The following TMEM248 variants were observed in gnomAD, a reference collection of about 807,000 sequenced individuals.
TMEM248 encodes the protein transmembrane protein 248.
In TMEM248, 9 loss-of-function variants were observed where a neutral mutation model predicts 30.3. The ratio of observed to expected loss-of-function variants is 0.30; its 90% CI spans 0.18 to 0.52. TMEM248 has a LOEUF of 0.52. Ranked by LOEUF, TMEM248 falls within the 20% of genes least tolerant of loss-of-function variation. The pLI is 0.97. For synonymous variants in TMEM248, 184 were observed against 154.4 expected, an observed-to-expected ratio of 1.19 and a Z score of -1.42; for missense variants, 338 against 403.3, an observed-to-expected ratio of 0.84 and a Z score of 1.39.
At chr7:66,923,950 G>T (rs1399038689) in intron 1 of TMEM248, among the ~76,000 whole-genome samples, 1 of 152,236 alleles carries the variant, frequency 6.6e-6, no homozygotes, top group Non-Finnish European at 1.5e-5. Context: ...ACAGGCGTGA[G>T]CCACCAGGCC....
chr7:66,939,667 T>A (rs927575205), intron 1 of TMEM248, among the ~76,000 whole-genome samples: 1 of 152,220 alleles, frequency 6.6e-6, no homozygotes, highest in African/African-American at 2.4e-5. Context: ...CCACTCTCAC[T>A]GGGCTCATAA....
intron 4 of TMEM248, among the ~76,000 whole-genome samples, chr7:66,950,348 C>A (rs1792228747): frequency 6.6e-6 from 1 of 151,894 alleles, no homozygotes; most frequent in South Asian, 2.1e-4. Flanking sequence ...AGATTGTTAC[C>A]CCCATGCTGC....
intron 4 of TMEM248, among the ~76,000 whole-genome samples, chr7:66,948,968 G>A (rs1030098283): frequency 1.3e-5 from 2 of 152,110 alleles, no homozygotes; most frequent in African/African-American, 2.4e-5. Flanking sequence ...TTCATAGGCT[G>A]TCTTTCCCGC....
In TMEM248 at chr7:66,955,640, G is replaced by A; in HGVS notation, c.*118G>A. 7.9e-7 allele frequency: 1 copy of A among 1,265,326 alleles called. No homozygotes were observed. The highest frequency in any genetic ancestry group is 1.1e-6 in the Non-Finnish European group (1 of 893,556). The allele number at this position is 1,265,326 out of a possible 1,614,324, so 78.4% of individuals were successfully genotyped here. On this transcript the variant is annotated 3_prime_UTR_variant, in exon 7 of 7. Coordinates refer to ENST00000341567, the MANE Select transcript of TMEM248 (RefSeq NM_017994.5). Reference sequence around the variant, plus strand: ...TATCTTGCGATGTTGGGTTATTCCAGCCAAAGACATTTCAAGTGCCTGTAA... The same window carrying A: ...TATCTTGCGATGTTGGGTTATTCCAACCAAAGACATTTCAAGTGCCTGTAA...
Position 66,955,934 on chromosome 7 carries a change from C to G in TMEM248, c.*412C>G. Reference sequence around the variant, plus strand: ...CCCAATATGTAGAGAACATTTGAAACAGTCTGCACCTTTGATACGGTATTG... The same window carrying G: ...CCCAATATGTAGAGAACATTTGAAAGAGTCTGCACCTTTGATACGGTATTG... On this transcript the variant is annotated 3_prime_UTR_variant, in exon 7 of 7. Coordinates refer to ENST00000341567, the MANE Select transcript of TMEM248 (RefSeq NM_017994.5). 1 of 177,782 alleles carries G rather than the reference C, an allele frequency of 5.6e-6. No homozygotes were observed. Among genetic ancestry groups the G allele is most frequent in the Non-Finnish European group, 1.2e-5 (1 of 85,384 alleles). The allele number at this position is 177,782 out of a possible 1,614,324, so 11.0% of individuals were successfully genotyped here. A position where few individuals can be genotyped will look rare whatever the true frequency, so the allele number is the denominator to read the frequency against.
chr7:66,931,575 A>C (rs1422082396), intron 1 of TMEM248, among the ~76,000 whole-genome samples: 1 of 151,404 alleles, frequency 6.6e-6, no homozygotes, highest in Non-Finnish European at 1.5e-5. Flanking sequence ...GGGCTGAGCC[A>C]GTCCTCCCAC....
At chr7:66,922,955 C>T (rs759308728) in intron 1 of TMEM248, among the ~76,000 whole-genome samples, 26 of 152,066 alleles carry the variant, frequency 1.7e-4, no homozygotes, top group Non-Finnish European at 3.1e-4. Flanking sequence ...ATCCATCCTC[C>T]TCGGCCTCCC....
At chr7:66,944,842 T>C (rs1195698210) in intron 2 of TMEM248, 134 bp from the exon 3 acceptor site, 3 of 916,826 alleles carry the variant, frequency 3.3e-6, no homozygotes, top group African/African-American at 1.7e-5. Context: ...CGAGTTGTCA[T>C]GATCTTAAAT....
In TMEM248 at chr7:66,955,916, T is replaced by G. The variant is rs113938327; in HGVS notation, c.*394T>G. The G allele has an allele frequency of 9.9e-4, 199 of 201,766 alleles. 1 individual carries two copies. Among genetic ancestry groups the G allele is most frequent in the African/African-American group, 4.4e-3 (192 of 43,178 alleles). The allele number at this position is 201,766 out of a possible 1,614,324, so 12.5% of individuals were successfully genotyped here. A position where few individuals can be genotyped will look rare whatever the true frequency, so the allele number is the denominator to read the frequency against. On this transcript the variant is annotated 3_prime_UTR_variant, in exon 7 of 7. Transcript: ENST00000341567. ...GTTTGGTTCTTGTTTCAGCCCAATA[T>G]GTAGAGAACATTTGAAACAGTCTGC...
Position 66,949,715 on chromosome 7 carries a change from C to T in TMEM248, c.596+1021C>T, listed in dbSNP as rs374196107. Among the ~76,000 whole-genome samples, 71 of 152,202 alleles carry T rather than the reference C, an allele frequency of 4.7e-4. 1 individual carries two copies. Among genetic ancestry groups the T allele is most frequent in the African/African-American group, 1.6e-3 (67 of 41,540 alleles). On this transcript the variant is annotated intron_variant, in intron 4 of 6. Coordinates refer to ENST00000341567, the MANE Select transcript of TMEM248 (RefSeq NM_017994.5). ...GTTTTAAAATCAAATATAAATTGAA[C>T]TTTATTTTCCATTAAACAATTAAGG... is the stretch of plus-strand genomic sequence containing the variant.
intron 1 of TMEM248, among the ~76,000 whole-genome samples, chr7:66,928,072 A>C (rs191591049): frequency 2.0e-5 from 3 of 152,094 alleles, no homozygotes; most frequent in Admixed American, 1.3e-4. Flanking sequence ...AAAATTAGCT[A>C]GGCCTGCTGG....
At chr7:66,953,107 TAAGAAGAA>T (rs1792311866) in intron 5 of TMEM248, 111 bp from the exon 6 acceptor site, 5 of 1,158,014 alleles carry the variant, frequency 4.3e-6, no homozygotes, top group Non-Finnish European at 3.7e-6. Context: ...TCTTGCAGCT[TAAGAAGAA>T]AAGTTGTGGC....
chr7:66,932,026 G>C (rs1217957908), intron 1 of TMEM248, among the ~76,000 whole-genome samples: 2 of 150,384 alleles, frequency 1.3e-5, no homozygotes, highest in African/African-American at 4.9e-5. Flanking sequence ...GGATAGTCTC[G>C]ATCTCCTGAC....
At chr7:66,934,649 A>G (rs1430671154) in intron 1 of TMEM248, among the ~76,000 whole-genome samples, 1 of 152,152 alleles carries the variant, frequency 6.6e-6, no homozygotes, top group Non-Finnish European at 1.5e-5. Context: ...TTTAATGACT[A>G]TTAGTTTTCC....
chr7:66,950,616 T>G (rs978550068), intron 4 of TMEM248, among the ~76,000 whole-genome samples: 7 of 152,150 alleles, frequency 4.6e-5, no homozygotes, highest in Non-Finnish European at 1.0e-4. Flanking sequence ...TACTAAGAGT[T>G]TAGCTCATTT....
chr7:66,934,188 T>C (rs1283947370), intron 1 of TMEM248, among the ~76,000 whole-genome samples: 1 of 151,152 alleles, frequency 6.6e-6, no homozygotes, highest in Non-Finnish European at 1.5e-5. Flanking sequence ...TCTTTTATTA[T>C]TATTATTATT....
intron 1 of TMEM248, among the ~76,000 whole-genome samples, chr7:66,937,238 G>C (rs142587880): frequency 2.4e-4 from 36 of 152,140 alleles, no homozygotes; most frequent in African/African-American, 7.2e-4. Context: ...AATTCCTCTT[G>C]TAACTGATTT....
rs113517014 is a variant in TMEM248 at position 66,946,117 on chromosome 7, G to T, written c.445+856G>T. Among the ~76,000 whole-genome samples, 307 of 150,738 alleles carry T rather than the reference G, an allele frequency of 2.0e-3. 1 individual carries two copies. Among genetic ancestry groups the T allele is most frequent in the African/African-American group, 7.1e-3 (293 of 41,146 alleles). On this transcript the variant is annotated intron_variant, in intron 3 of 6. Transcript: ENST00000341567. The stretch of plus-strand genomic sequence containing the variant: ...AAAAAAAAAGAAGTCAGCTGGGCAT[G>T]CAGGCATGGTGGTGCGCACTTGTAG...
intron 1 of TMEM248, among the ~76,000 whole-genome samples, chr7:66,934,734 G>A (rs184852945): frequency 7.9e-5 from 12 of 152,258 alleles, no homozygotes; most frequent in Admixed American, 5.2e-4. Flanking sequence ...AGTGGTAAGT[G>A]GGTCCTATTC....
Sources: gnomAD v4.1 joint callset for allele counts (sites outside exome capture counted in the v4.1 genomes callset) on GRCh38, gnomAD v4.1.1 for gene constraint, MANE v1.5 for transcripts, NCBI Gene and HGNC (gene_info 2026-07-23, HGNC 2026-07-21) for gene names.